Variants in RP1 observed in about 807,000 individuals in gnomAD.
RP1 encodes the protein oxygen-regulated protein 1.
A neutral mutation model predicts 14.8 loss-of-function variants in RP1; 16 were observed. The ratio of observed to expected loss-of-function variants is 1.08; its 90% CI spans 0.73 to 1.65. The LOEUF (loss-of-function observed/expected upper bound fraction) is 1.65. RP1 is among the 40% of genes most tolerant of loss of function. The probability of loss-of-function intolerance (pLI) is 0.00; values close to 1 mark genes in which losing one functional copy is unlikely to be tolerated. For missense variants in RP1, 2,631 were observed against 2,535.0 expected (o/e 1.04, Z -0.81); for synonymous variants, 876 against 883.6 (o/e 0.99, Z 0.15).
At chr8:54,781,837 A>G (rs946990350) in intron 23 of RP1, among the ~76,000 whole-genome samples, 2 of 152,172 alleles carry the variant, frequency 1.3e-5, no homozygotes, top group African/African-American at 4.8e-5. Context: ...TCCACCCTTA[A>G]GGCCTATGTC....
intron 26 of RP1, among the ~76,000 whole-genome samples, chr8:54,853,674 G>A (rs1303174036): frequency 2.6e-5 from 4 of 151,240 alleles, no homozygotes; most frequent in African/African-American, 4.9e-5. Flanking sequence ...TACATGGGAA[G>A]CTGAGGTAGG....
At chr8:54,581,951 T>A (rs187024283) in intron 1 of RP1, among the ~76,000 whole-genome samples, 1 of 152,320 alleles carries the variant, frequency 6.6e-6, no homozygotes, top group Non-Finnish European at 1.5e-5. Flanking sequence ...ATTCTGTAGG[T>A]TGCCTGTTCA....
intron 24 of RP1, among the ~76,000 whole-genome samples, chr8:54,814,278 A>G (rs1434173304): frequency 6.6e-6 from 1 of 152,240 alleles, no homozygotes; most frequent in Admixed American, 6.5e-5. Flanking sequence ...GAATGGGCCC[A>G]TGAAAATCTC....
intron 1 of RP1, among the ~76,000 whole-genome samples, chr8:54,603,297 C>T (rs1401328772): frequency 6.6e-6 from 1 of 151,826 alleles, no homozygotes; most frequent in African/African-American, 2.4e-5. Context: ...AATAGGGAAT[C>T]TTTTCCCCAT....
intron 27 of RP1, among the ~76,000 whole-genome samples, chr8:54,863,057 A>G (rs1386193054): frequency 7.1e-6 from 1 of 141,544 alleles, no homozygotes; most frequent in Non-Finnish European, 1.5e-5. Flanking sequence ...ATATATATAT[A>G]TATATATATA....
At chr8:54,823,944 G>A (rs1183698858) in intron 24 of RP1, among the ~76,000 whole-genome samples, 1 of 152,062 alleles carries the variant, frequency 6.6e-6, no homozygotes, top group Non-Finnish European at 1.5e-5. Context: ...ATCCCTGCAA[G>A]CATTTGATAG....
intron 6 of RP1, among the ~76,000 whole-genome samples, chr8:54,661,466 C>T (rs1237658101): frequency 6.6e-6 from 1 of 150,826 alleles, no homozygotes; most frequent in Non-Finnish European, 1.5e-5. Context: ...GTGACAGAAC[C>T]AGATCCTGTA....
At chr8:54,755,051 T>C in intron 20 of RP1, 2 of 1,151,950 alleles carry the variant, frequency 1.7e-6, no homozygotes, top group Non-Finnish European at 2.3e-6. Flanking sequence ...AAGAGAGTTG[T>C]TTTACTCTTG....
chr8:54,671,913 T>A (rs1218361479), intron 7 of RP1, among the ~76,000 whole-genome samples: 1 of 152,170 alleles, frequency 6.6e-6, no homozygotes, highest in African/African-American at 2.4e-5. Flanking sequence ...TTTACTAAGA[T>A]TTGAACATTT....
chr8:54,624,880 T>C lies in RP1; in HGVS notation c.998T>C (p.Val333Ala). ...IIFNQDGTMT[V>A]EMKVRFRIKE... ...TTTAATCAAGACGGCACTATGACAG[T>C]TGAGATGAAAGTTCGATTCAGAATA... Residue 333 changes from valine (V) to alanine (A), a missense_variant, in exon 4 of 4, where the codon GTT becomes GCT. By Grantham distance (64) the Val-to-Ala change is moderately conservative. Transcript: ENST00000220676. The C allele has an allele frequency of 3.1e-6, 5 of 1,613,894 alleles. No homozygotes were observed. Among genetic ancestry groups the C allele is most frequent in the Non-Finnish European group, 4.2e-6 (5 of 1,180,006 alleles).
chr8:54,583,924 A>C (rs1419401737), intron 1 of RP1, among the ~76,000 whole-genome samples: 5 of 151,602 alleles, frequency 3.3e-5, no homozygotes, highest in African/African-American at 7.3e-5. Flanking sequence ...GTGGTCTATC[A>C]ATTTTGTTGA....
chr8:54,574,528 C>T (rs577095962), intron 1 of RP1, among the ~76,000 whole-genome samples: 1 of 152,202 alleles, frequency 6.6e-6, no homozygotes, highest in East Asian at 1.9e-4. Context: ...GGGAGCATCA[C>T]TTGGGACAAA....
chr8:54,580,347 G>A (rs181868568), intron 1 of RP1, among the ~76,000 whole-genome samples: 1,456 of 122,754 alleles, frequency 0.012, 23 homozygotes, highest in African/African-American at 0.043. Context: ...TCACTCTGTC[G>A]CCAGGCTGGA....
In RP1 at chr8:54,621,122, G is replaced by C; in HGVS notation, c.156G>C (p.Arg52Ser). The change falls in exon 2 of 4, where the codon AGG becomes AGC. Residue 52 changes from arginine (R) to serine (S), a missense_variant. Transcript: ENST00000220676. Reference sequence around the variant, plus strand: ...GAGACCCCCAATTCGGCGGGGTCAGGGTGGTGGTCAACCCTCGCTCCTTTA... The same window carrying C: ...GAGACCCCCAATTCGGCGGGGTCAGCGTGGTGGTCAACCCTCGCTCCTTTA... ...KSGDPQFGGV[R>S]VVVNPRSFKS... The C allele has an allele frequency of 6.2e-7, 1 of 1,614,176 alleles. No individual in the cohort carries two copies. Among genetic ancestry groups the C allele is most frequent in the Non-Finnish European group, 8.5e-7 (1 of 1,180,036 alleles).
At chr8:54,843,478 C>T (rs1254662301) in intron 25 of RP1, among the ~76,000 whole-genome samples, 1 of 152,096 alleles carries the variant, frequency 6.6e-6, no homozygotes, top group African/African-American at 2.4e-5. Flanking sequence ...GTCTTGGATC[C>T]CAAACCTTCA....
intron 25 of RP1, among the ~76,000 whole-genome samples, chr8:54,852,305 G>A (rs1812076194): frequency 6.6e-6 from 1 of 152,086 alleles, no homozygotes; most frequent in South Asian, 2.1e-4. Context: ...CATAATAACT[G>A]TGAAAGTGCA....
At chr8:54,742,990 T>G (rs1809135289) in intron 19 of RP1, among the ~76,000 whole-genome samples, 1 of 152,196 alleles carries the variant, frequency 6.6e-6, no homozygotes, top group South Asian at 2.1e-4. Flanking sequence ...TGGTAAAGGC[T>G]TCTGTGAAGA....
chr8:54,670,636 AGG>A (rs1807150809), intron 7 of RP1, among the ~76,000 whole-genome samples: 1 of 107,668 alleles, frequency 9.3e-6, no homozygotes, highest in South Asian at 3.0e-4. Context: ...CTCTGATGTT[AGG>A]TGCACATATA....
At chr8:54,743,747 G>C (rs988653675) in intron 19 of RP1, among the ~76,000 whole-genome samples, 6 of 152,038 alleles carry the variant, frequency 3.9e-5, no homozygotes, top group African/African-American at 1.4e-4. Flanking sequence ...TATTTCTCAA[G>C]GAGCCCTAGT....
Sources: allele counts gnomAD v4.1 joint callset (sites outside exome capture counted in the v4.1 genomes callset), GRCh38; gene constraint gnomAD v4.1.1; transcripts MANE v1.5; gene names NCBI Gene and HGNC (gene_info 2026-07-23, HGNC 2026-07-21).